The following LRP1B variants were observed in gnomAD, a reference collection of about 807,000 sequenced individuals.
LRP1B encodes the protein low-density lipoprotein receptor-related protein 1B.
In LRP1B, 217 loss-of-function variants were observed where a neutral mutation model predicts 556.6. The ratio of observed to expected loss-of-function variants is 0.39; its 90% CI spans 0.35 to 0.44. The LOEUF (loss-of-function observed/expected upper bound fraction) is 0.44, where lower values mean the gene tolerates loss of function less well. Ranked by LOEUF, LRP1B falls within the 20% of genes least tolerant of loss-of-function variation. The pLI is 1.00. For missense variants in LRP1B, 5,053 were observed against 5,620.8 expected (o/e 0.90, Z 3.23); for synonymous variants, 2,047 against 1,865.8 (o/e 1.10, Z -2.50).
chr2:142,115,575 TATATGTAATATATATATTA>T (rs1707189878), intron 1 of LRP1B, among the ~76,000 whole-genome samples: 9 of 48,334 alleles, frequency 1.9e-4, no homozygotes, highest in African/African-American at 6.6e-4. Context: ...ATATATATTA[TATATGTAATATATATATTA>T]TATATGTAAT....
intron 1 of LRP1B, among the ~76,000 whole-genome samples, chr2:141,943,835 C>T (rs1168636105): frequency 6.6e-6 from 1 of 152,042 alleles, no homozygotes; most frequent in Non-Finnish European, 1.5e-5. Context: ...TCTTGTCACA[C>T]GACCAGGAAA....
At chr2:140,899,856 A>G (rs1037395730) in intron 23 of LRP1B, among the ~76,000 whole-genome samples, 1 of 152,034 alleles carries the variant, frequency 6.6e-6, no homozygotes, top group African/African-American at 2.4e-5. Flanking sequence ...AATAATCAAT[A>G]TTTTCTTGAA....
At chr2:141,802,380 C>T (rs1696035462) in intron 2 of LRP1B, among the ~76,000 whole-genome samples, 2 of 152,126 alleles carry the variant, frequency 1.3e-5, no homozygotes, top group African/African-American at 4.8e-5. Flanking sequence ...TTTGCCTGAA[C>T]TTCTCTCCTT....
At chr2:141,979,925 G>A (rs1701996187) in intron 1 of LRP1B, among the ~76,000 whole-genome samples, 1 of 152,012 alleles carries the variant, frequency 6.6e-6, no homozygotes, top group African/African-American at 2.4e-5. Context: ...TCCAGTTCTT[G>A]TAATTGGTTT....
chr2:141,139,672 A>G lies in LRP1B; in HGVS notation c.1013+48749T>C, dbSNP rs535304258. 5.3e-5 allele frequency among the ~76,000 whole-genome samples: 8 copies of G among 152,134 alleles called. No homozygotes were observed. In the East Asian group the frequency reaches 1.4e-3, roughly 26 times the overall value. ...CAATTACATATCTATTAGAATAGCT[A>G]GAATTTAAAAAAGACCGACTAGACC... is the stretch of plus-strand genomic sequence containing the variant. On this transcript the variant is annotated intron_variant, in intron 7 of 90. Coordinates refer to ENST00000389484, the MANE Select transcript of LRP1B (RefSeq NM_018557.3).
chr2:141,590,552 G>A (rs997520049), intron 2 of LRP1B, among the ~76,000 whole-genome samples: 9 of 151,816 alleles, frequency 5.9e-5, no homozygotes, highest in African/African-American at 2.2e-4. Context: ...TTTTTTATAG[G>A]CAAGAAAGGG....
At chr2:141,962,481 T>C (rs112597184) in intron 1 of LRP1B, among the ~76,000 whole-genome samples, 37 of 151,928 alleles carry the variant, frequency 2.4e-4, no homozygotes, top group African/African-American at 8.2e-4. Flanking sequence ...CCTGTTCACA[T>C]TGCACTGGAT....
chr2:140,346,748 T>C (rs908488058), intron 77 of LRP1B, among the ~76,000 whole-genome samples: 1 of 151,968 alleles, frequency 6.6e-6, no homozygotes, highest in African/African-American at 2.4e-5. Flanking sequence ...TACAGACTCA[T>C]ATATTGGGTA....
At chr2:140,791,300 A>C (rs1690111610) in intron 32 of LRP1B, among the ~76,000 whole-genome samples, 1 of 151,848 alleles carries the variant, frequency 6.6e-6, no homozygotes, top group Non-Finnish European at 1.5e-5. Flanking sequence ...TTGGTGGTGT[A>C]CCCCTGTAAT....
At chr2:141,095,768 C>T (rs1351239819) in intron 7 of LRP1B, among the ~76,000 whole-genome samples, 3 of 152,058 alleles carry the variant, frequency 2.0e-5, no homozygotes, top group African/African-American at 4.8e-5. Context: ...TCCAGCTGCC[C>T]TTTGGTCTTG....
Position 141,096,373 on chromosome 2 carries a change from C to T in LRP1B, c.1014-34100G>A, listed in dbSNP as rs535898229. ...GAGGCTGAAGCAGGAGGATCACTGG[C>T]GGTCAGGAGTTCAAGACCAGCCTGG... is the stretch of plus-strand genomic sequence containing the variant. On this transcript the variant is annotated intron_variant, in intron 7 of 90. Transcript: ENST00000389484. Among the ~76,000 whole-genome samples the T allele has an allele frequency of 1.2e-4, 18 of 151,890 alleles. 1 individual carries two copies. In the South Asian group the frequency reaches 1.7e-3, roughly 14 times the overall value.
chr2:140,457,425 G>A lies in LRP1B; in HGVS notation c.9814+38C>T, dbSNP rs374947956. ...AAAAAATGGAATGTTACTGAAAGAT[G>A]TTAATGCATTTATGGAAATCATGGA... On this transcript the variant is annotated intron_variant, in intron 61 of 90. Transcript: ENST00000389484. The A allele has an allele frequency of 1.3e-5, 19 of 1,445,032 alleles. No individual in the cohort carries two copies. The African/African-American group carries it at 2.4e-4, about 18-fold the overall frequency. 89.5% of individuals were successfully genotyped at this position (1,445,032 alleles called of 1,614,324 possible).
At position 141,618,187 on chromosome 2, in the gene LRP1B, T is replaced by A. The variant is rs185876319; in HGVS notation, c.206-137654A>T. Among the ~76,000 whole-genome samples the A allele has an allele frequency of 2.0e-5, 3 of 151,534 alleles. No homozygotes were observed. The East Asian group carries it at 5.8e-4, about 29-fold the overall frequency. ...TGTCCTTTCTCTGGTGTGCTTTTAT[T>A]TTTTTTTTCCTCGCTAGTAATTTAT... On this transcript the variant is annotated intron_variant, in intron 2 of 90. Coordinates refer to ENST00000389484, the MANE Select transcript of LRP1B (RefSeq NM_018557.3).
At chr2:140,414,392 A>C (rs1685091666) in intron 66 of LRP1B, among the ~76,000 whole-genome samples, 1 of 152,196 alleles carries the variant, frequency 6.6e-6, no homozygotes, top group South Asian at 2.1e-4. Flanking sequence ...ATATTTAAAA[A>C]AAAATACACT....
rs186770941 is a variant in LRP1B at position 140,633,249 on chromosome 2, A to G, written c.6800-31610T>C. Among the ~76,000 whole-genome samples, 136 of 151,320 alleles carry G rather than the reference A, an allele frequency of 9.0e-4. 1 individual carries two copies. The highest frequency in any genetic ancestry group is 1.7e-3 in the Non-Finnish European group (115 of 67,940). ...CACGAGTCAAAGGAGAAGACTCAAGAGTAGCTCAAAAATATTTAGAGTAAA... is the reference window on the plus strand; with the variant it reads ...CACGAGTCAAAGGAGAAGACTCAAGGGTAGCTCAAAAATATTTAGAGTAAA... On this transcript the variant is annotated intron_variant, in intron 41 of 90. Coordinates refer to ENST00000389484, the MANE Select transcript of LRP1B (RefSeq NM_018557.3).
rs183797776 is a variant in LRP1B at position 140,873,924 on chromosome 2, A to T, written c.4170-5661T>A. ...AAATAAGAGAAATGTAAAGAAAGTT[A>T]TAAAAATAAAGAGGTTTTTTTTTGG... On this transcript the variant is annotated intron_variant, in intron 25 of 90. Coordinates refer to ENST00000389484, the MANE Select transcript of LRP1B (RefSeq NM_018557.3). Among the ~76,000 whole-genome samples the T allele has an allele frequency of 2.3e-3, 348 of 151,398 alleles. 2 individuals carry two copies. The highest frequency in any genetic ancestry group is 9.2e-3 in the South Asian group (44 of 4,770).
At chr2:141,483,051 G>A (rs1206034306) in intron 2 of LRP1B, among the ~76,000 whole-genome samples, 2 of 151,850 alleles carry the variant, frequency 1.3e-5, no homozygotes, top group African/African-American at 4.8e-5. Context: ...TCATGTTGGT[G>A]TTCTGCACCC....
chr2:141,096,629 G>GAGGGAGAGGGAGAGAGA (rs1558858138), intron 7 of LRP1B, among the ~76,000 whole-genome samples: 1 of 59,744 alleles, frequency 1.7e-5, no homozygotes, highest in African/African-American at 7.3e-5. Context: ...GGGGAGAGGG[G>GAGGGAGAGGGAGAGAGA]GAGAGAGAGA....
intron 2 of LRP1B, among the ~76,000 whole-genome samples, chr2:141,802,768 C>T (rs368181207): frequency 2.8e-4 from 43 of 152,030 alleles, no homozygotes; most frequent in East Asian, 1.2e-3. Flanking sequence ...AAGAATAAAG[C>T]GTCCTCCGGG....
Sources: gnomAD v4.1 joint callset for allele counts (sites outside exome capture counted in the v4.1 genomes callset) on GRCh38, gnomAD v4.1.1 for gene constraint, MANE v1.5 for transcripts, NCBI Gene and HGNC (gene_info 2026-07-23, HGNC 2026-07-21) for gene names.